Variants in XDH observed in about 807,000 individuals in gnomAD.
XDH encodes the protein xanthine dehydrogenase/oxidase.
A neutral mutation model predicts 156.1 loss-of-function variants in XDH; 138 were observed. That is an observed-to-expected ratio of 0.88 (90% CI 0.77 to 1.02). The LOEUF is 1.02. Ranked by LOEUF, XDH falls within the 50% of genes least tolerant of loss-of-function variation. The probability of loss-of-function intolerance (pLI) is 0.00; values close to 1 mark genes in which losing one functional copy is unlikely to be tolerated. For synonymous variants in XDH, 669 were observed against 625.7 expected (o/e 1.07, Z -1.03); for missense variants, 1,849 against 1,684.9 (o/e 1.10, Z -1.71).
chr2:31,398,531 G>T (rs753926021), intron 5 of XDH, 42 bp downstream of exon 5: 2 of 1,612,578 alleles, frequency 1.2e-6, no homozygotes, highest in East Asian at 4.5e-5. Flanking sequence ...GCAGGGCCTC[G>T]TTTGCCATTC....
intron 10 of XDH, among the ~76,000 whole-genome samples, chr2:31,383,428 C>T (rs1262538072): frequency 6.6e-6 from 1 of 152,214 alleles, no homozygotes; most frequent in Non-Finnish European, 1.5e-5. Flanking sequence ...AAATCAGAAT[C>T]TCTGAAGGTG....
At chr2:31,409,710 G>A (rs1687290424) in intron 1 of XDH, among the ~76,000 whole-genome samples, 1 of 152,208 alleles carries the variant, frequency 6.6e-6, no homozygotes, top group Non-Finnish European at 1.5e-5. Flanking sequence ...GGATAGCTAT[G>A]ATCAACGAAC....
At chr2:31,404,089 AC>A (rs1687132680) in intron 2 of XDH, among the ~76,000 whole-genome samples, 1 of 151,454 alleles carries the variant, frequency 6.6e-6, no homozygotes, top group Non-Finnish European at 1.5e-5. Context: ...TTTAAAAAAA[AC>A]AACAAACTGA....
In XDH at chr2:31,341,377, A is replaced by G; in HGVS notation, c.3537T>C (p.Ile1179=). 11 of 1,579,628 alleles carry G rather than the reference A, an allele frequency of 7.0e-6. No homozygotes were observed. Among genetic ancestry groups the G allele is most frequent in the Non-Finnish European group, 9.5e-6 (11 of 1,159,870 alleles). ...TTAGACTGGAGCCAACATCCATGACAATATCTGTGCGGAGGTTCTAGAGTA... is the reference window on the plus strand; with the variant it reads ...TTAGACTGGAGCCAACATCCATGACGATATCTGTGCGGAGGTTCTAGAGTA... ...TGDHKNLRTD[I]VMDVGSSLNP... The change falls in exon 33 of 36, where the codon ATT becomes ATC. Residue 1179 remains isoleucine (I), a synonymous_variant. Transcript: ENST00000379416.
intron 6 of XDH, among the ~76,000 whole-genome samples, chr2:31,397,357 A>T (rs1238486349): frequency 2.0e-5 from 3 of 152,224 alleles, no homozygotes; most frequent in South Asian, 4.1e-4. Context: ...GCCAGTCTCC[A>T]AGGGAAAGCT....
Position 31,344,605 on chromosome 2 carries a change from A to G in XDH, c.3404+79T>C, listed in dbSNP as rs1685229005. On this transcript the variant is annotated intron_variant, in intron 31 of 35. Transcript: ENST00000379416. ...TGCTCTCTCCTGACCACAGCCTGGC[A>G]GGATTCGGTGCTGGAGTGGACCAGT... 8.5e-6 allele frequency: 13 copies of G among 1,534,000 alleles called. No individual in the cohort carries two copies. The Admixed American group carries it at 1.7e-4, about 20-fold the overall frequency.
intron 31 of XDH, among the ~76,000 whole-genome samples, chr2:31,343,730 C>T (rs1056737746): frequency 6.1e-5 from 9 of 147,060 alleles, no homozygotes; most frequent in Non-Finnish European, 1.0e-4. Context: ...TATATATTAG[C>T]CATATATATG....
intron 1 of XDH, among the ~76,000 whole-genome samples, chr2:31,410,850 G>A (rs957969381): frequency 5.3e-5 from 8 of 152,186 alleles, no homozygotes; most frequent in African/African-American, 7.2e-5. Flanking sequence ...ACTGCAAGGC[G>A]TAATCTTGGA....
chr2:31,372,277 C>T lies in XDH; in HGVS notation c.1807G>A (p.Glu603Lys), dbSNP rs747050930. ...CTGGTGACCAGCCGGAGAGACAGCT[C>T]ATTCTCGTAGCGAGGAATGTCGTCA... ...YCDDIPRYEN[E>K]LSLRLVTSTR... The change falls in exon 17 of 36, where the codon GAG becomes AAG. Residue 603 changes from glutamate (E) to lysine (K), a missense_variant. Coordinates refer to ENST00000379416, the MANE Select transcript of XDH (RefSeq NM_000379.4). The T allele has an allele frequency of 1.9e-6, 3 of 1,614,124 alleles. No homozygotes were observed. Among genetic ancestry groups the T allele is most frequent in the East Asian group, 2.2e-5 (1 of 44,898 alleles).
At chr2:31,371,907 A>C (rs538105473) in intron 17 of XDH, among the ~76,000 whole-genome samples, 2 of 152,042 alleles carry the variant, frequency 1.3e-5, no homozygotes, top group Non-Finnish European at 2.9e-5. Flanking sequence ...TGAAGTTCAC[A>C]CTCTCTGGCT....
chr2:31,372,274 G>C lies in XDH; in HGVS notation c.1810C>G (p.Leu604Val), dbSNP rs1349839547. 6.2e-7 allele frequency: 1 copy of C among 1,614,240 alleles called. No individual in the cohort carries two copies. The highest frequency in any genetic ancestry group is 8.5e-7 in the Non-Finnish European group (1 of 1,180,038). ...GTGCTGGTGACCAGCCGGAGAGACA[G>C]CTCATTCTCGTAGCGAGGAATGTCG... ...CDDIPRYENE[L>V]SLRLVTSTRA... The change falls in exon 17 of 36, where the codon CTG (leucine) becomes GTG (valine). Residue 604 changes from leucine to valine, a missense_variant. Leu to Val is a conservative substitution (Grantham distance 32). Transcript: ENST00000379416.
chr2:31,383,190 A>G lies in XDH; in HGVS notation c.887-38T>C, dbSNP rs200212631. On this transcript the variant is annotated intron_variant, in intron 10 of 35. Transcript: ENST00000379416. ...GTTCGGAATCACAGCAATTCTTCCC[A>G]CAGTTCAGAAGAGGCTTTCATGCAC... The G allele has an allele frequency of 2.5e-5, 41 of 1,613,828 alleles. No homozygotes were observed. In the Admixed American group the frequency reaches 3.7e-4, roughly 14 times the overall value.
intron 20 of XDH, among the ~76,000 whole-genome samples, chr2:31,367,472 A>G (rs1685948403): frequency 6.6e-6 from 1 of 152,214 alleles, no homozygotes; most frequent in African/African-American, 2.4e-5. Context: ...TGTAAAAAAC[A>G]GTTCCAAAAG....
intron 8 of XDH, among the ~76,000 whole-genome samples, chr2:31,387,208 T>C (rs1686634967): frequency 6.6e-6 from 1 of 152,164 alleles, no homozygotes; most frequent in Admixed American, 6.5e-5. Flanking sequence ...CTCTGGCCTG[T>C]TGAAGCTACA....
chr2:31,373,913 A>G lies in XDH; in HGVS notation c.1646T>C (p.Leu549Pro), dbSNP rs866559972. The change falls in exon 16 of 36, where the codon CTG becomes CCG. Residue 549 changes from leucine (L) to proline (P), a missense_variant. By Grantham distance (98) the Leu-to-Pro change is moderately conservative. Transcript: ENST00000379416. ...LDPTFASATL[L>P]FQKDPPADVQ... ...ATCGGCTGGGGGGTCTTTCTGAAAC[A>G]GTAAAGTTGCACTGGCGAAAGTGGG... is the stretch of plus-strand genomic sequence containing the variant. The G allele has an allele frequency of 6.2e-7, 1 of 1,614,050 alleles. No homozygotes were observed. The highest frequency in any genetic ancestry group is 1.3e-5 in the African/African-American group (1 of 75,064).
At chr2:31,364,125 CT>C (rs1468706862) in intron 24 of XDH, 32 bp downstream of exon 24, 4 of 1,610,864 alleles carry the variant, frequency 2.5e-6, no homozygotes, top group Non-Finnish European at 1.7e-6. Flanking sequence ...GAAGTCAGCT[CT>C]GGGTGCAGGG....
intron 4 of XDH, among the ~76,000 whole-genome samples, chr2:31,400,628 C>T (rs1007316652): frequency 4.6e-5 from 7 of 152,288 alleles, no homozygotes; most frequent in Admixed American, 1.3e-4. Flanking sequence ...AGAAATGTTT[C>T]GGATTTCAAT....
intron 29 of XDH, 27 bp downstream of exon 29, chr2:31,347,494 GC>G: frequency 6.2e-7 from 1 of 1,612,842 alleles, no homozygotes; most frequent in Non-Finnish European, 8.5e-7. Flanking sequence ...CTGGCCCTCT[GC>G]TCTGCGGGAT....
In XDH at chr2:31,372,221, C is replaced by T. The variant is rs184028774; in HGVS notation, c.1856+7G>A. The T allele has an allele frequency of 3.1e-3, 4,943 of 1,614,192 alleles. 13 individuals are homozygous for T. The highest frequency in any genetic ancestry group is 3.7e-3 in the Non-Finnish European group (4,413 of 1,180,020). ...TTCCACCAGCTCCTCCTGGCGGTGTCACTCACTTGATCTTGGCGTGGGCCC... is the reference window on the plus strand; with the variant it reads ...TTCCACCAGCTCCTCCTGGCGGTGTTACTCACTTGATCTTGGCGTGGGCCC... On this transcript the variant is annotated splice_region_variant and intron_variant, in intron 17 of 35. Transcript: ENST00000379416.
Sources: allele counts gnomAD v4.1 joint callset (sites outside exome capture counted in the v4.1 genomes callset), GRCh38; gene constraint gnomAD v4.1.1; transcripts MANE v1.5; gene names NCBI Gene and HGNC (gene_info 2026-07-23, HGNC 2026-07-21).